Variants in CCDC57 observed in about 807,000 individuals in gnomAD.
The protein encoded by CCDC57 is coiled-coil domain-containing protein 57.
Under a neutral mutation model 118.9 loss-of-function variants are expected in CCDC57, and 118 were observed. That is an observed-to-expected ratio of 0.99 (90% CI 0.86 to 1.16). The LOEUF (loss-of-function observed/expected upper bound fraction) is 1.16. Among genes scored for constraint, CCDC57 ranks in the 50% most tolerant of loss-of-function variants. CCDC57 has a pLI of 0.00. For synonymous variants in CCDC57, 527 were observed against 532.9 expected (o/e 0.99, Z 0.15); for missense variants, 1,300 against 1,320.7 (o/e 0.98, Z 0.24).
chr17:82,163,653 G>C (rs1292261515), intron 13 of CCDC57, among the ~76,000 whole-genome samples: 4 of 152,062 alleles, frequency 2.6e-5, no homozygotes, highest in African/African-American at 7.2e-5. Flanking sequence ...TCCAAGTAAA[G>C]AGCCACTTGC....
chr17:82,187,617 G>T (rs2047107824), intron 8 of CCDC57, among the ~76,000 whole-genome samples: 1 of 30,432 alleles, frequency 3.3e-5, no homozygotes, highest in South Asian at 1.2e-3. Flanking sequence ...AGCTGGCAGG[G>T]GTCGAGAGTG....
intron 17 of CCDC57, among the ~76,000 whole-genome samples, chr17:82,132,759 C>CTTTTTTTTT (rs71166188): frequency 8.1e-6 from 1 of 123,924 alleles, no homozygotes; most frequent in Non-Finnish European, 1.7e-5. Context: ...GACAACCTTG[C>CTTTTTTTTT]TTTTTTTTTT....
rs147775168 is a variant in CCDC57, at chr17:82,208,606, G to A, written c.-210-558C>T. Among the ~76,000 whole-genome samples the A allele has an allele frequency of 3.4e-3, 512 of 152,150 alleles. 9 individuals are homozygous for A. The highest frequency in any genetic ancestry group is 4.6e-3 in the Non-Finnish European group (314 of 68,010). On this transcript the variant is annotated intron_variant, in intron 1 of 19. Coordinates refer to ENST00000665763, the Ensembl canonical transcript of CCDC57. Reference sequence around the variant, plus strand: ...CCTGGGACTGGAAGGCAGGTCTGGGGTGGCTCATTCACTTTGTACTCAGGA... The same window carrying A: ...CCTGGGACTGGAAGGCAGGTCTGGGATGGCTCATTCACTTTGTACTCAGGA...
rs768196267 is a variant in CCDC57 at position 82,157,819 on chromosome 17, G to A, written c.2170C>T (p.Gln724Ter). ...CCTGAAGGCTCCGCTCCCCCGTGCT[G>A]GGCTATCCTGAGATGCTTCCCCAGC... Residue 724 changes from glutamine to a stop codon, truncating the protein, a stop_gained, in exon 15 of 20, where the codon CAG becomes TAG. Coordinates refer to ENST00000665763, the Ensembl canonical transcript of CCDC57. LOFTEE classifies it high-confidence loss of function. 42 of 1,604,704 alleles carry A rather than the reference G, an allele frequency of 2.6e-5. No individual in the cohort carries two copies. The highest frequency in any genetic ancestry group is 3.6e-5 in the Non-Finnish European group (42 of 1,176,728).
intron 5 of CCDC57, among the ~76,000 whole-genome samples, chr17:82,194,564 C>T (rs576232237): frequency 6.6e-6 from 1 of 152,234 alleles, no homozygotes; most frequent in East Asian, 1.9e-4. Flanking sequence ...CCCGCCTCAG[C>T]CTCCCAATGT....
exon 8 of CCDC57, chr17:82,188,277 G>A (rs1324765642): frequency 2.5e-6 from 4 of 1,580,132 alleles, no homozygotes; most frequent in Admixed American, 1.8e-5. Context: ...TCTGCCCTGC[G>A]GAGCTGCGCC....
chr17:82,201,586 T>C (rs2049003172), exon 3 of CCDC57: 1 of 1,612,400 alleles, frequency 6.2e-7, no homozygotes, highest in Non-Finnish European at 8.5e-7. Flanking sequence ...TGCCAGCTGC[T>C]GCTGCTGCTG....
intron 16 of CCDC57, among the ~76,000 whole-genome samples, chr17:82,137,278 C>T (rs1175840132): frequency 6.6e-6 from 1 of 152,160 alleles, no homozygotes; most frequent in Non-Finnish European, 1.5e-5. Context: ...ACCTCGGCCT[C>T]CCGAAGTGCT....
intron 5 of CCDC57, among the ~76,000 whole-genome samples, chr17:82,194,997 C>A (rs1250563655): frequency 6.6e-6 from 1 of 152,262 alleles, no homozygotes; most frequent in Non-Finnish European, 1.5e-5. Context: ...CCACCACGGG[C>A]AGGTGTCCAG....
intron 19 of CCDC57, among the ~76,000 whole-genome samples, chr17:82,108,568 C>T (rs1332233968): frequency 6.6e-6 from 1 of 152,202 alleles, no homozygotes; most frequent in African/African-American, 2.4e-5. Context: ...GTGTCCAAGA[C>T]GCACAGCAGA....
At chr17:82,163,692 A>C (rs2043629774) in intron 13 of CCDC57, among the ~76,000 whole-genome samples, 2 of 131,634 alleles carry the variant, frequency 1.5e-5, no homozygotes, top group South Asian at 5.5e-4. Context: ...GATGCCACAT[A>C]ACACAGGGTC....
At position 82,210,671 on chromosome 17, in the gene CCDC57, G is replaced by C. The variant is rs557693251; in HGVS notation, c.-211+2114C>G. 2.2e-5 allele frequency among the ~76,000 whole-genome samples: 3 copies of C among 138,696 alleles called. No homozygotes were observed. In the East Asian group the frequency reaches 6.4e-4, roughly 30 times the overall value. The allele number at this position is 138,696 out of a possible 152,430, so 91.0% of individuals were successfully genotyped here. ...CTCCAGCTTGGGCGAGAGAGAGAGA[G>C]ACTCAGTCTCAAAAAAATAAAATTA... On this transcript the variant is annotated intron_variant, in intron 1 of 19. Coordinates refer to ENST00000665763, the Ensembl canonical transcript of CCDC57.
At chr17:82,144,167 G>A (rs762905751) in intron 16 of CCDC57, among the ~76,000 whole-genome samples, 40 of 152,104 alleles carry the variant, frequency 2.6e-4, no homozygotes, top group Non-Finnish European at 4.6e-4. Flanking sequence ...AAGTTGAGCC[G>A]GGCATGATGG....
intron 7 of CCDC57, among the ~76,000 whole-genome samples, chr17:82,191,842 A>AT (rs1161549150): frequency 2.0e-5 from 3 of 151,060 alleles, no homozygotes; most frequent in Admixed American, 1.3e-4. Context: ...AATTTTTTGT[A>AT]TTTTTTGTAG....
chr17:82,210,541 A>C (rs1249370808), intron 1 of CCDC57, among the ~76,000 whole-genome samples: 2 of 150,278 alleles, frequency 1.3e-5, no homozygotes, highest in African/African-American at 4.9e-5. Context: ...ATAGCCGGGC[A>C]TGGTGGCAGG....
chr17:82,181,520 A>G lies in CCDC57; in HGVS notation c.1211+2254T>C, dbSNP rs566319303. 3.5e-4 allele frequency among the ~76,000 whole-genome samples: 53 copies of G among 152,370 alleles called. No individual in the cohort carries two copies. The East Asian group carries it at 6.4e-3, about 18-fold the overall frequency. On this transcript the variant is annotated intron_variant, in intron 9 of 19. Transcript: ENST00000665763. The stretch of plus-strand genomic sequence containing the variant: ...CAGCCAAAACCAGATGCTCGCCAAC[A>G]TCATATTCACCATGTCTGACATCCA...
At chr17:82,191,306 C>G (rs1405541800) in intron 7 of CCDC57, among the ~76,000 whole-genome samples, 2 of 152,050 alleles carry the variant, frequency 1.3e-5, no homozygotes, top group Non-Finnish European at 1.5e-5. Flanking sequence ...AGAAAAGAAA[C>G]TGGCATCAGA....
intron 19 of CCDC57, among the ~76,000 whole-genome samples, chr17:82,115,901 G>A (rs2035842360): frequency 7.0e-6 from 1 of 143,018 alleles, no homozygotes; most frequent in Admixed American, 7.2e-5. Context: ...GAGTTCAAGC[G>A]ATTCTCCTGC....
chr17:82,184,031 G>GCACGCGCACACACACACA (rs2046614226), intron 8 of CCDC57, 99 bp from the exon 8 acceptor site: 1 of 125,852 alleles, frequency 7.9e-6, no homozygotes, highest in Non-Finnish European at 1.6e-5. Context: ...GCGCGCGCGC[G>GCACGCGCACACACACACA]CACACACACA....
Sources: gnomAD v4.1 joint callset for allele counts (sites outside exome capture counted in the v4.1 genomes callset) on GRCh38, gnomAD v4.1.1 for gene constraint, MANE v1.5 for transcripts, NCBI Gene and HGNC (gene_info 2026-07-23, HGNC 2026-07-21) for gene names.